The following EYS variants were observed in gnomAD, a reference collection of about 807,000 sequenced individuals.
The protein encoded by EYS is protein eyes shut homolog.
In EYS, 250 loss-of-function variants were observed where a neutral mutation model predicts 282.1. The observed-to-expected ratio is 0.89, with a 90% confidence interval of 0.80 to 0.98. The LOEUF (loss-of-function observed/expected upper bound fraction) is 0.98. EYS is among the 50% of genes least tolerant of loss of function. The probability of loss-of-function intolerance (pLI) is 0.00; values close to 1 mark genes in which losing one functional copy is unlikely to be tolerated. For missense variants in EYS, 4,016 were observed against 3,709.0 expected (o/e 1.08, Z -2.15); for synonymous variants, 1,355 against 1,282.9 (o/e 1.06, Z -1.20).
chr6:64,071,433 C>T (rs897360937), intron 32 of EYS, among the ~76,000 whole-genome samples: 1 of 151,648 alleles, frequency 6.6e-6, no homozygotes, highest in African/African-American at 2.4e-5. Context: ...AAATTTACTT[C>T]AGAATTCCTT....
intron 30 of EYS, among the ~76,000 whole-genome samples, chr6:64,302,006 G>A (rs994403243): frequency 3.9e-5 from 6 of 152,170 alleles, no homozygotes; most frequent in Admixed American, 1.3e-4. Context: ...TTGAGACAGC[G>A]CTAATTAAGT....
intron 31 of EYS, among the ~76,000 whole-genome samples, chr6:64,093,277 C>A (rs1772441860): frequency 6.6e-6 from 1 of 152,090 alleles, no homozygotes; most frequent in African/African-American, 2.4e-5. Flanking sequence ...GTAGTTTTTT[C>A]CAATTCTGTG....
chr6:65,587,811 C>A lies in EYS; in HGVS notation c.-333+51967G>T, dbSNP rs574259805. Among the ~76,000 whole-genome samples, 23 of 152,010 alleles carry A rather than the reference C, an allele frequency of 1.5e-4. No individual in the cohort carries two copies. The South Asian group carries it at 4.8e-3, about 31-fold the overall frequency. ...ATATGCAATAATATTTTTAAAAGTT[C>A]AATGTAAGTATAAATTTGTGTGAGA... On this transcript the variant is annotated intron_variant, in intron 2 of 42. Transcript: ENST00000503581.
chr6:64,451,151 T>C (rs1374932220), intron 26 of EYS, among the ~76,000 whole-genome samples: 5 of 151,722 alleles, frequency 3.3e-5, no homozygotes, highest in South Asian at 2.1e-4. Flanking sequence ...ATCAAATAGA[T>C]GCAATAAAAA....
At position 65,537,798 on chromosome 6, in the gene EYS, G is replaced by A. The variant is rs11967304; in HGVS notation, c.-332-41805C>T. On this transcript the variant is annotated intron_variant, in intron 2 of 42. Coordinates refer to ENST00000503581, the MANE Select transcript of EYS (RefSeq NM_001142800.2). ...GAGCCATTAGCATGGGACAGCTGGA[G>A]AAACAGAAGATGAATAATGGAAGAA... 3.3e-3 allele frequency among the ~76,000 whole-genome samples: 496 copies of A among 152,300 alleles called. 3 individuals carry two copies. Among genetic ancestry groups the A allele is most frequent in the African/African-American group, 0.011 (469 of 41,566 alleles).
intron 14 of EYS, among the ~76,000 whole-genome samples, chr6:64,993,983 C>T (rs1195498654): frequency 1.3e-5 from 2 of 150,838 alleles, no homozygotes; most frequent in Admixed American, 1.3e-4. Context: ...TTTGTTTCCC[C>T]TGCTGTTATC....
chr6:64,141,611 A>T (rs1168149629), intron 31 of EYS, among the ~76,000 whole-genome samples: 1 of 152,194 alleles, frequency 6.6e-6, no homozygotes, highest in Admixed American at 6.6e-5. Context: ...TTCCAAGTTG[A>T]AATTCACTGA....
At chr6:65,320,303 G>A (rs1172510046) in intron 11 of EYS, among the ~76,000 whole-genome samples, 1 of 152,000 alleles carries the variant, frequency 6.6e-6, no homozygotes, top group Non-Finnish European at 1.5e-5. Context: ...AGCCTGATAA[G>A]GGCATGGTGA....
At chr6:65,457,890 T>C (rs1422536687) in intron 5 of EYS, among the ~76,000 whole-genome samples, 1 of 152,130 alleles carries the variant, frequency 6.6e-6, no homozygotes, top group Non-Finnish European at 1.5e-5. Context: ...CATTGAAAGC[T>C]TGAGTAGCTG....
intron 5 of EYS, among the ~76,000 whole-genome samples, chr6:65,422,820 A>G (rs1434196719): frequency 6.6e-6 from 1 of 151,576 alleles, no homozygotes; most frequent in Non-Finnish European, 1.5e-5. Flanking sequence ...ATATATATAT[A>G]TACATATATA....
At chr6:63,935,725 T>C (rs1765039084) in intron 35 of EYS, among the ~76,000 whole-genome samples, 1 of 152,218 alleles carries the variant, frequency 6.6e-6, no homozygotes, top group South Asian at 2.1e-4. Flanking sequence ...AGAAAAGAAA[T>C]TTCTGTTGTT....
chr6:65,317,828 T>TCCAGACAGAG (rs1320717116), intron 11 of EYS, among the ~76,000 whole-genome samples: 3 of 38,826 alleles, frequency 7.7e-5, no homozygotes, highest in African/African-American at 3.0e-4. Context: ...CTTCCTTCCT[T>TCCAGACAGAG]TCTTTCTTTC....
At chr6:64,370,376 T>A (rs1216703097) in intron 29 of EYS, among the ~76,000 whole-genome samples, 1 of 152,178 alleles carries the variant, frequency 6.6e-6, no homozygotes, top group South Asian at 2.1e-4. Flanking sequence ...AGAGCCTACT[T>A]GATCATGGTG....
intron 36 of EYS, among the ~76,000 whole-genome samples, chr6:63,840,573 TGTC>T (rs1771930825): frequency 1.3e-5 from 2 of 152,222 alleles, no homozygotes; most frequent in African/African-American, 2.4e-5. Context: ...TTGCTTTTGT[TGTC>T]TGTGATTTTG....
At chr6:65,438,002 T>G in intron 5 of EYS, among the ~76,000 whole-genome samples, 1 of 136,280 alleles carries the variant, frequency 7.3e-6, no homozygotes, top group African/African-American at 2.7e-5. Context: ...GCTATCCCTC[T>G]CCCCTCCCCC....
chr6:65,543,142 C>T (rs973566014), intron 2 of EYS, among the ~76,000 whole-genome samples: 43 of 151,934 alleles, frequency 2.8e-4, no homozygotes, highest in Admixed American at 7.9e-4. Flanking sequence ...CTTCAGCCTC[C>T]GGAGTAGCTG....
intron 2 of EYS, among the ~76,000 whole-genome samples, chr6:65,557,934 G>T (rs1275974169): frequency 6.6e-6 from 1 of 152,004 alleles, no homozygotes; most frequent in Non-Finnish European, 1.5e-5. Context: ...TGAGTCCTGG[G>T]GTTTTTATGA....
intron 26 of EYS, among the ~76,000 whole-genome samples, chr6:64,515,405 G>C (rs1438216933): frequency 6.6e-6 from 1 of 151,244 alleles, no homozygotes; most frequent in Non-Finnish European, 1.5e-5. Context: ...TTTTAAGTAA[G>C]TTATTTATTT....
At chr6:63,971,549 A>G in intron 35 of EYS, among the ~76,000 whole-genome samples, 1 of 152,208 alleles carries the variant, frequency 6.6e-6, no homozygotes, top group East Asian at 1.9e-4. Flanking sequence ...AGAAAATGTC[A>G]TTCTACAATC....
Sources: allele counts gnomAD v4.1 joint callset (sites outside exome capture counted in the v4.1 genomes callset), GRCh38; gene constraint gnomAD v4.1.1; transcripts MANE v1.5; gene names NCBI Gene and HGNC (gene_info 2026-07-23, HGNC 2026-07-21).